Variants in UBR3 observed in about 807,000 individuals in gnomAD.
The protein encoded by UBR3 is ubiquitin protein ligase E3 component n-recognin 3.
Under a neutral mutation model 243.2 loss-of-function variants are expected in UBR3, and 85 were observed. The observed-to-expected ratio is 0.35, with a 90% CI of 0.29 to 0.42. UBR3 has a LOEUF of 0.42. Among genes scored for constraint, UBR3 ranks in the 10% least tolerant of loss-of-function variants. The pLI, the probability that UBR3 is intolerant of heterozygous loss-of-function variation, is 1.00. For missense variants in UBR3, 1,686 were observed against 2,300.8 expected, an observed-to-expected ratio of 0.73 and a Z score of 5.47; for synonymous variants, 748 against 799.8, an observed-to-expected ratio of 0.94 and a Z score of 1.09.
intron 32 of UBR3, among the ~76,000 whole-genome samples, chr2:170,050,304 A>G (rs1164242602): frequency 6.6e-6 from 1 of 152,204 alleles, no homozygotes; most frequent in Admixed American, 6.5e-5. Flanking sequence ...CATAAAAGGT[A>G]AGACTGAGAA....
chr2:170,015,229 A>T, intron 29 of UBR3, 52 bp from the exon 30 acceptor site: 1 of 1,461,360 alleles, frequency 6.8e-7, no homozygotes. Flanking sequence ...AATAAAGCAG[A>T]TTAATAAAGA....
intron 19 of UBR3, 38 bp from the exon 20 acceptor site, chr2:169,942,455 G>A (rs1425732252): frequency 1.4e-5 from 21 of 1,513,272 alleles, no homozygotes; most frequent in Non-Finnish European, 1.7e-5. Context: ...TTGATTTTGA[G>A]GCTATCATCT....
intron 30 of UBR3, among the ~76,000 whole-genome samples, chr2:170,017,785 A>G (rs1046237364): frequency 6.6e-6 from 1 of 152,222 alleles, no homozygotes; most frequent in African/African-American, 2.4e-5. Context: ...GAAATTTTCC[A>G]TAGTAAAAAG....
intron 11 of UBR3, among the ~76,000 whole-genome samples, chr2:169,920,835 T>C (rs556370387): frequency 1.6e-4 from 25 of 152,158 alleles, no homozygotes; most frequent in Admixed American, 1.4e-3. Flanking sequence ...CCAATCTCTG[T>C]GTGTGGTTGA....
intron 24 of UBR3, among the ~76,000 whole-genome samples, chr2:169,963,527 T>A (rs2087673985): frequency 6.6e-6 from 1 of 152,080 alleles, no homozygotes; most frequent in South Asian, 2.1e-4. Flanking sequence ...AGGAGTTTTT[T>A]AAAAAAGAAT....
chr2:170,003,629 G>A (rs1397894930), intron 27 of UBR3, among the ~76,000 whole-genome samples: 2 of 151,920 alleles, frequency 1.3e-5, no homozygotes, highest in South Asian at 2.1e-4. Flanking sequence ...TAAATGTTAG[G>A]TATACACAGA....
chr2:170,077,137 G>A (rs1446902349), intron 36 of UBR3: 3 of 516,294 alleles, frequency 5.8e-6, no homozygotes, highest in Non-Finnish European at 7.5e-6. Flanking sequence ...GACATGTAAG[G>A]CTGTTTGGTA....
chr2:170,006,764 C>T (rs981713597), intron 27 of UBR3, among the ~76,000 whole-genome samples: 3 of 152,154 alleles, frequency 2.0e-5, no homozygotes, highest in Non-Finnish European at 4.4e-5. Flanking sequence ...GAGTAAGATA[C>T]TTAAACAGTG....
At chr2:169,835,250 C>T (rs1188870625) in intron 1 of UBR3, among the ~76,000 whole-genome samples, 1 of 151,922 alleles carries the variant, frequency 6.6e-6, no homozygotes, top group Non-Finnish European at 1.5e-5. Context: ...CCAGCTACTC[C>T]CGAGGCTGAG....
rs1558999159 is a variant in UBR3 at position 169,836,067 on chromosome 2, A to ATATATATT, written c.545+8016_545+8017insATATATTT. ...TCTATATATATATATATATATATAT[A>ATATATATT]TTTTTTTTTTTTTTTTTTTTTTTTT... is the stretch of plus-strand genomic sequence containing the variant. On this transcript the variant is annotated intron_variant, in intron 1 of 38. Coordinates refer to ENST00000272793, the MANE Select transcript of UBR3 (RefSeq NM_172070.4). Among the ~76,000 whole-genome samples the ATATATATT allele has an allele frequency of 5.8e-4, 19 of 32,656 alleles. 1 individual carries two copies. The highest frequency in any genetic ancestry group is 8.2e-4 in the Non-Finnish European group (16 of 19,540). 21.4% of individuals were successfully genotyped at this position (32,656 alleles called of 152,430 possible). A position where few individuals can be genotyped will look rare whatever the true frequency, so the allele number is the denominator to read the frequency against.
intron 1 of UBR3, among the ~76,000 whole-genome samples, chr2:169,871,426 A>AC (rs990698724): frequency 2.0e-5 from 3 of 151,840 alleles, no homozygotes; most frequent in East Asian, 1.9e-4. Flanking sequence ...AAAAAAAAAA[A>AC]AAAACAGTTA....
intron 1 of UBR3, among the ~76,000 whole-genome samples, chr2:169,870,114 A>C (rs1251517596): frequency 6.6e-6 from 1 of 152,176 alleles, no homozygotes; most frequent in Admixed American, 6.5e-5. Context: ...TTTTTAATGT[A>C]TTCCAGAATA....
At chr2:170,065,915 A>G (rs922946440) in intron 35 of UBR3, among the ~76,000 whole-genome samples, 3 of 150,940 alleles carry the variant, frequency 2.0e-5, no homozygotes, top group Non-Finnish European at 4.4e-5. Flanking sequence ...CGTGGAAGTG[A>G]TAGGTAGTGC....
chr2:170,020,677 T>C (rs1017141942), intron 30 of UBR3, among the ~76,000 whole-genome samples: 10 of 152,234 alleles, frequency 6.6e-5, no homozygotes, highest in Admixed American at 6.6e-5. Flanking sequence ...AGTTATACTC[T>C]AGGAACTTTT....
At chr2:169,881,976 AT>A (rs1239863563) in intron 5 of UBR3, among the ~76,000 whole-genome samples, 2 of 59,866 alleles carry the variant, frequency 3.3e-5, no homozygotes, top group Non-Finnish European at 4.7e-5. Flanking sequence ...ATGTAATTAT[AT>A]TATATATGTA....
chr2:169,926,676 T>C lies in UBR3; in HGVS notation c.2152-16T>C. Reference sequence around the variant, plus strand: ...ACTGAATATTGAGAAATAAAGCATTTTGTTTTCTTTTAAAGGTTTGTGCTT... The same window carrying C: ...ACTGAATATTGAGAAATAAAGCATTCTGTTTTCTTTTAAAGGTTTGTGCTT... On this transcript the variant is annotated splice_polypyrimidine_tract_variant and intron_variant, in intron 14 of 38. Transcript: ENST00000272793. The C allele has an allele frequency of 4.6e-6, 7 of 1,531,390 alleles. No homozygotes were observed. The highest frequency in any genetic ancestry group is 1.4e-5 in the African/African-American group (1 of 72,012). The allele number at this position is 1,531,390 out of a possible 1,614,324, so 94.9% of individuals were successfully genotyped here. A position where few individuals can be genotyped will look rare whatever the true frequency, so the allele number is the denominator to read the frequency against.
intron 22 of UBR3, chr2:169,949,386 T>G: frequency 2.4e-6 from 1 of 420,966 alleles, no homozygotes; most frequent in East Asian, 4.0e-5. Context: ...GAGATGTTAC[T>G]GCTGATGATC....
chr2:169,902,075 A>T (rs1042393307), intron 8 of UBR3, among the ~76,000 whole-genome samples: 1 of 152,242 alleles, frequency 6.6e-6, no homozygotes, highest in Non-Finnish European at 1.5e-5. Flanking sequence ...GTACATGAGC[A>T]CATGAATGTG....
At chr2:169,888,129 ATTTATTTATTT>A (rs1213996364) in intron 5 of UBR3, among the ~76,000 whole-genome samples, 1 of 140,370 alleles carries the variant, frequency 7.1e-6, no homozygotes, top group African/African-American at 2.6e-5. Flanking sequence ...TTATTTATTT[ATTTATTTATTT>A]ATTTATTTAT....
Sources: gnomAD v4.1 joint callset for allele counts (sites outside exome capture counted in the v4.1 genomes callset) on GRCh38, gnomAD v4.1.1 for gene constraint, MANE v1.5 for transcripts, NCBI Gene and HGNC (gene_info 2026-07-23, HGNC 2026-07-21) for gene names.